NIPAL3: variants seen among roughly 807,000 people sequenced by gnomAD.
NIPAL3 encodes the protein NIPA like domain containing 3.
A neutral mutation model predicts 47.2 loss-of-function variants in NIPAL3; 41 were observed. The ratio of observed to expected loss-of-function variants is 0.87; its 90% CI spans 0.68 to 1.13. The LOEUF is 1.13. NIPAL3 is among the 50% of genes most tolerant of loss of function. The probability of loss-of-function intolerance (pLI) is 0.00; values close to 1 mark genes in which losing one functional copy is unlikely to be tolerated. For missense variants in NIPAL3, 449 were observed against 530.1 expected (o/e 0.85, Z 1.50); for synonymous variants, 194 against 209.6 (o/e 0.93, Z 0.64).
Position 24,442,212 on chromosome 1 carries a change from C to A in NIPAL3, c.320C>A (p.Ala107Glu), listed in dbSNP as rs1557510025. 1 of 1,613,988 alleles carries A rather than the reference C, an allele frequency of 6.2e-7. No homozygotes were observed. The highest frequency in any genetic ancestry group is 8.5e-7 in the Non-Finnish European group (1 of 1,179,980). Residue 107 changes from alanine (A) to glutamate (E), a missense_variant, in exon 4 of 12, where the codon GCA becomes GAA. By Grantham distance (107) the Ala-to-Glu change is moderately radical. Transcript: ENST00000374399. ...APLSLIVPLS[A>E]VSVIASAIIG... is the part of the protein sequence containing the mutation. ...CTGTCACTCATCGTGCCCCTCAGCGCAGTTTCTGTGATAGGTAAGACCAGG... is the reference window on the plus strand; with the variant it reads ...CTGTCACTCATCGTGCCCCTCAGCGAAGTTTCTGTGATAGGTAAGACCAGG...
chr1:24,454,582 A>G lies in NIPAL3; in HGVS notation c.637+1078A>G, dbSNP rs1231695369. ...TCTGTTGAGATATAATTTACATACC[A>G]TAAAGTTCACCTGTTTAAAGTATAC... On this transcript the variant is annotated intron_variant, in intron 7 of 11. Coordinates refer to ENST00000374399, the MANE Select transcript of NIPAL3 (RefSeq NM_020448.5). This position sits in a 1 kb window ranked among gnomAD's most constrained non-coding sequence, Gnocchi z 4.1. The G allele has an allele frequency of 1.0e-6, 1 of 969,400 alleles. No homozygotes were observed. The highest frequency in any genetic ancestry group is 1.2e-6 in the Non-Finnish European group (1 of 815,042). 60.0% of individuals were successfully genotyped at this position (969,400 alleles called of 1,614,324 possible).
In NIPAL3 at chr1:24,449,405, T is replaced by C; in HGVS notation, c.395-76T>C. 6.7e-7 allele frequency: 1 copy of C among 1,492,898 alleles called. No individual in the cohort carries two copies. The highest frequency in any genetic ancestry group is 9.1e-7 in the Non-Finnish European group (1 of 1,102,266). 92.5% of individuals were successfully genotyped at this position (1,492,898 alleles called of 1,614,324 possible). A position where few individuals can be genotyped will look rare whatever the true frequency, so the allele number is the denominator to read the frequency against. Reference sequence around the variant, plus strand: ...GGTATGTTGCAGGAGAAGCCTGTTTTTTCATGGCTGAGAACGTGTACTGTA... The same window carrying C: ...GGTATGTTGCAGGAGAAGCCTGTTTCTTCATGGCTGAGAACGTGTACTGTA... On this transcript the variant is annotated intron_variant, in intron 5 of 11. Coordinates refer to ENST00000374399, the MANE Select transcript of NIPAL3 (RefSeq NM_020448.5). This position sits in a 1 kb window ranked among gnomAD's most constrained non-coding sequence, Gnocchi z 4.5.
chr1:24,460,801 T>C (rs1387954955), intron 10 of NIPAL3, among the ~76,000 whole-genome samples: 1 of 152,164 alleles, frequency 6.6e-6, no homozygotes, highest in East Asian at 1.9e-4. Context: ...CAACCTCACC[T>C]CGGATCTAAG....
chr1:24,459,773 A>AGGGTCAAGAAGCT (rs1287913348), intron 9 of NIPAL3, among the ~76,000 whole-genome samples: 4 of 152,266 alleles, frequency 2.6e-5, no homozygotes, highest in African/African-American at 9.6e-5. Context: ...AAGCTAAGTC[A>AGGGTCAAGAAGCT]GGGTCAAGAA....
intron 1 of NIPAL3, among the ~76,000 whole-genome samples, chr1:24,417,787 C>T (rs1160970777): frequency 2.0e-5 from 3 of 152,326 alleles, no homozygotes; most frequent in Non-Finnish European, 4.4e-5. Context: ...GCTGTCCACA[C>T]CATGAACCAG....
intron 2 of NIPAL3, among the ~76,000 whole-genome samples, chr1:24,427,228 A>G (rs1190011339): frequency 6.6e-6 from 1 of 152,120 alleles, no homozygotes; most frequent in Non-Finnish European, 1.5e-5. Flanking sequence ...TGCTGGCAGG[A>G]GTCATCCTTG....
intron 7 of NIPAL3, among the ~76,000 whole-genome samples, chr1:24,455,749 T>C (rs1247994719): frequency 2.0e-5 from 3 of 152,202 alleles, no homozygotes; most frequent in African/African-American, 7.2e-5. Context: ...ACCCAACACA[T>C]GTTTTTCCTG....
chr1:24,441,630 C>G (rs542205247), intron 3 of NIPAL3, among the ~76,000 whole-genome samples: 1 of 152,162 alleles, frequency 6.6e-6, no homozygotes, highest in Non-Finnish European at 1.5e-5. Context: ...GTCATCCAAA[C>G]GTGGGGAATC....
Position 24,416,327 on chromosome 1 carries a change from C to T in NIPAL3, c.-258+423C>T. 1 of 985,248 alleles carries T rather than the reference C, an allele frequency of 1.0e-6. No individual in the cohort carries two copies. The highest frequency in any genetic ancestry group is 4.7e-5 in the South Asian group (1 of 21,282). The allele number at this position is 985,248 out of a possible 1,614,324, so 61.0% of individuals were successfully genotyped here. On this transcript the variant is annotated intron_variant, in intron 1 of 11. Coordinates refer to ENST00000374399, the MANE Select transcript of NIPAL3 (RefSeq NM_020448.5). This position sits in a 1 kb window ranked among gnomAD's most constrained non-coding sequence, Gnocchi z 4.8. ...AAGTTTCCAGCTCAGTGGGACGGGA[C>T]GGAAGAATGTAACCTTCTCGTGAGC...
chr1:24,453,313 C>G, intron 6 of NIPAL3, 95 bp from the exon 7 acceptor site: 1 of 780,330 alleles, frequency 1.3e-6, no homozygotes, highest in Non-Finnish European at 2.2e-6. Context: ...CCCTTTCAAC[C>G]CTGTGACTCT....
chr1:24,446,124 T>G (rs888243493), intron 5 of NIPAL3, among the ~76,000 whole-genome samples: 2 of 148,308 alleles, frequency 1.3e-5, no homozygotes, highest in African/African-American at 5.0e-5. Flanking sequence ...AGGGGAGAGA[T>G]ACAATAAACA....
intron 2 of NIPAL3, among the ~76,000 whole-genome samples, chr1:24,421,215 A>T (rs1644315163): frequency 6.6e-6 from 1 of 151,704 alleles, no homozygotes; most frequent in Non-Finnish European, 1.5e-5. Flanking sequence ...AAATACAAAA[A>T]ATTAGCCAGG....
chr1:24,457,661 C>T (rs1646279598), intron 8 of NIPAL3: 5 of 489,500 alleles, frequency 1.0e-5, no homozygotes, highest in African/African-American at 9.9e-5. Flanking sequence ...AGTGGCGGAG[C>T]TGAGATCTGA....
upstream of NIPAL3, chr1:24,414,889 C>G (rs1395331495): frequency 2.0e-5 from 3 of 152,206 alleles, no homozygotes; most frequent in African/African-American, 7.2e-5. Flanking sequence ...GGCCCAACCA[C>G]GCCCCCAGAA....
rs534676106 is a variant in NIPAL3 at position 24,429,334 on chromosome 1, C to T, written c.93+9694C>T. On this transcript the variant is annotated intron_variant, in intron 2 of 11. Coordinates refer to ENST00000374399, the MANE Select transcript of NIPAL3 (RefSeq NM_020448.5). ...GGCCGAGGCAGGAGAATGTATTGAACCATTTCTGGCAAATTTAAACTTGGC... is the reference window on the plus strand; with the variant it reads ...GGCCGAGGCAGGAGAATGTATTGAATCATTTCTGGCAAATTTAAACTTGGC... Among the ~76,000 whole-genome samples the T allele has an allele frequency of 6.1e-5, 5 of 81,440 alleles. No individual in the cohort carries two copies. The East Asian group carries it at 1.8e-3, about 30-fold the overall frequency. 53.4% of individuals were successfully genotyped at this position (81,440 alleles called of 152,430 possible). A position where few individuals can be genotyped will look rare whatever the true frequency, so the allele number is the denominator to read the frequency against.
Position 24,454,304 on chromosome 1 carries a change from A to G in NIPAL3, c.637+800A>G. The G allele has an allele frequency of 8.7e-7, 1 of 1,150,730 alleles. No homozygotes were observed. The highest frequency in any genetic ancestry group is 1.1e-6 in the Non-Finnish European group (1 of 924,702). The allele number at this position is 1,150,730 out of a possible 1,614,324, so 71.3% of individuals were successfully genotyped here. A position where few individuals can be genotyped will look rare whatever the true frequency, so the allele number is the denominator to read the frequency against. The stretch of plus-strand genomic sequence containing the variant: ...GGTGTCAGGGCTGGTGAAGCCTGCT[A>G]CCGCGCTGCTCTTGAGTGGCCTCAG... On this transcript the variant is annotated intron_variant, in intron 7 of 11. Transcript: ENST00000374399. This position sits in a 1 kb window ranked among gnomAD's most constrained non-coding sequence, Gnocchi z 4.1.
chr1:24,445,338 C>T, intron 5 of NIPAL3, 94 bp downstream of exon 5: 1 of 858,302 alleles, frequency 1.2e-6, no homozygotes, highest in South Asian at 1.5e-5. Context: ...GGTTATCTGC[C>T]TCCTGCTGTC....
At position 24,454,526 on chromosome 1, in the gene NIPAL3, G is replaced by T. The variant is rs1476413308; in HGVS notation, c.637+1022G>T. On this transcript the variant is annotated intron_variant, in intron 7 of 11. Coordinates refer to ENST00000374399, the MANE Select transcript of NIPAL3 (RefSeq NM_020448.5). This position sits in a 1 kb window ranked among gnomAD's most constrained non-coding sequence, Gnocchi z 4.1. ...ATCAACCAAATAGATACCTGTCACC[G>T]AAGACAGGGTTTCCTTAATTTTTTA... The T allele has an allele frequency of 4.0e-6, 4 of 989,428 alleles. No homozygotes were observed. Among genetic ancestry groups the T allele is most frequent in the Non-Finnish European group, 4.8e-6 (4 of 832,498 alleles). 61.3% of individuals were successfully genotyped at this position (989,428 alleles called of 1,614,324 possible).
rs1644064240 is a variant in NIPAL3, at chr1:24,416,783, C to G, written c.-258+879C>G. 6.6e-6 allele frequency: 1 copy of G among 152,218 alleles called. No individual in the cohort carries two copies. Among genetic ancestry groups the G allele is most frequent in the Admixed American group, 6.5e-5 (1 of 15,280 alleles). The allele number at this position is 152,218 out of a possible 1,614,324, so 9.4% of individuals were successfully genotyped here. A position where few individuals can be genotyped will look rare whatever the true frequency, so the allele number is the denominator to read the frequency against. ...GGTTCCTCCAGGCTTTCAGTCCGGA[C>G]TCCCACCCAGCTGAGGGAGAGCCTT... On this transcript the variant is annotated intron_variant, in intron 1 of 11. Transcript: ENST00000374399. The surrounding 1 kb of genome is among the most constrained non-coding windows in gnomAD (Gnocchi z 4.8).
Sources: allele counts gnomAD v4.1 joint callset (sites outside exome capture counted in the v4.1 genomes callset), GRCh38; gene constraint gnomAD v4.1.1; non-coding constraint Gnocchi (gnomAD v3.1); transcripts MANE v1.5; gene names NCBI Gene and HGNC (gene_info 2026-07-23, HGNC 2026-07-21).